The following PATJ variants were observed in gnomAD, a reference collection of about 807,000 sequenced individuals.
The protein encoded by PATJ is inaD-like protein.
Under a neutral mutation model 224.9 loss-of-function variants are expected in PATJ, and 190 were observed. The observed-to-expected ratio is 0.84, with a 90% CI of 0.75 to 0.95. The LOEUF (loss-of-function observed/expected upper bound fraction) is 0.95, where lower values mean the gene tolerates loss of function less well. Ranked by LOEUF, PATJ falls within the 40% of genes least tolerant of loss-of-function variation. PATJ has a pLI of 0.00. For missense variants in PATJ, 2,121 were observed against 2,270.3 expected (o/e 0.93, Z 1.34); for synonymous variants, 769 against 820.3 (o/e 0.94, Z 1.07).
At chr1:62,017,140 A>G (rs767400976) in intron 28 of PATJ, among the ~76,000 whole-genome samples, 22 of 152,258 alleles carry the variant, frequency 1.4e-4, no homozygotes, top group Non-Finnish European at 2.9e-4. Flanking sequence ...TGAGAGTCCT[A>G]ATATACCCAC....
chr1:61,924,144 G>A (rs1674766376), intron 26 of PATJ, among the ~76,000 whole-genome samples: 1 of 152,100 alleles, frequency 6.6e-6, no homozygotes, highest in Admixed American at 6.5e-5. Context: ...GCCGAGGCAG[G>A]AAGATCATTT....
chr1:61,913,947 T>C (rs1673056222), intron 25 of PATJ, among the ~76,000 whole-genome samples: 1 of 152,276 alleles, frequency 6.6e-6, no homozygotes, highest in African/African-American at 2.4e-5. Flanking sequence ...AACTTGTTTT[T>C]AGTCTTTTTC....
At chr1:62,034,509 G>C (rs1326196428) in intron 29 of PATJ, among the ~76,000 whole-genome samples, 2 of 151,396 alleles carry the variant, frequency 1.3e-5, no homozygotes, top group African/African-American at 4.9e-5. Context: ...AGAATCATAG[G>C]ATATGAGGGC....
chr1:61,798,419 G>T (rs1651798282), intron 11 of PATJ, among the ~76,000 whole-genome samples: 1 of 151,600 alleles, frequency 6.6e-6, no homozygotes, highest in Admixed American at 6.6e-5. Flanking sequence ...TGCTAGTCTT[G>T]AACTCCTGGG....
intron 17 of PATJ, among the ~76,000 whole-genome samples, chr1:61,847,108 A>G (rs1467061807): frequency 6.6e-6 from 1 of 152,228 alleles, no homozygotes; most frequent in Non-Finnish European, 1.5e-5. Flanking sequence ...TGAAACATCC[A>G]AGGAATGTAT....
intron 20 of PATJ, among the ~76,000 whole-genome samples, chr1:61,870,690 G>A (rs761030904): frequency 6.6e-6 from 1 of 152,150 alleles, no homozygotes; most frequent in African/African-American, 2.4e-5. Context: ...ATGAACATTG[G>A]TATATAAATA....
intron 27 of PATJ, among the ~76,000 whole-genome samples, chr1:61,954,132 C>G (rs1355751107): frequency 4.6e-5 from 7 of 152,136 alleles, no homozygotes; most frequent in Admixed American, 4.6e-4. Flanking sequence ...GATTGATTTT[C>G]TATAATCAGT....
rs1465180346 is a variant in PATJ, at chr1:61,837,802, A to AAG, written c.2112+4018_2112+4019insGA. On this transcript the variant is annotated intron_variant, in intron 17 of 43. Coordinates refer to ENST00000642238, the MANE Select transcript of PATJ (RefSeq NM_001350145.3). The stretch of plus-strand genomic sequence containing the variant: ...GAGACTCTGTCTTAAAAAAAAAAAA[A>AAG]AAAAAGGGAAAGATGAGTGAGCAGA... 4.0e-5 allele frequency among the ~76,000 whole-genome samples: 6 copies of AAG among 151,124 alleles called. No homozygotes were observed. The East Asian group carries it at 1.2e-3, about 29-fold the overall frequency.
intron 21 of PATJ, among the ~76,000 whole-genome samples, chr1:61,883,909 A>G (rs777020909): frequency 2.6e-5 from 4 of 151,248 alleles, no homozygotes; most frequent in Non-Finnish European, 4.4e-5. Flanking sequence ...ACTTATTAGG[A>G]AAGCTTAAGT....
chr1:62,113,999 G>T, intron 34 of PATJ, 54 bp from the exon 35 acceptor site: 1 of 1,531,618 alleles, frequency 6.5e-7, no homozygotes, highest in South Asian at 1.2e-5. Flanking sequence ...AGCAGACAGA[G>T]AAGGCAGAGA....
chr1:61,889,616 G>A (rs1433803958), intron 22 of PATJ, among the ~76,000 whole-genome samples: 2 of 152,206 alleles, frequency 1.3e-5, no homozygotes, highest in African/African-American at 4.8e-5. Context: ...CAGTACTGCA[G>A]CAGTTGATCT....
At chr1:62,061,307 G>A (rs561413759) in intron 31 of PATJ, among the ~76,000 whole-genome samples, 11 of 151,550 alleles carry the variant, frequency 7.3e-5, no homozygotes, top group African/African-American at 1.2e-4. Flanking sequence ...TCAGCCTCCC[G>A]AGTAGCTGGG....
At chr1:61,901,208 A>G in intron 23 of PATJ, 74 bp from the exon 24 acceptor site, 1 of 858,362 alleles carries the variant, frequency 1.2e-6, no homozygotes, top group Admixed American at 3.2e-5. Context: ...CAAGGATATG[A>G]TGCAAATGGA....
At chr1:62,026,346 A>G (rs1647906142) in intron 29 of PATJ, among the ~76,000 whole-genome samples, 1 of 152,142 alleles carries the variant, frequency 6.6e-6, no homozygotes, top group African/African-American at 2.4e-5. Context: ...TTAATACAGG[A>G]AGTATAGAGA....
At chr1:62,139,979 C>T (rs1443595163) in intron 41 of PATJ, among the ~76,000 whole-genome samples, 1 of 151,970 alleles carries the variant, frequency 6.6e-6, no homozygotes, top group African/African-American at 2.4e-5. Context: ...AGGGTGGTCT[C>T]GAACTCCTGG....
At chr1:61,768,600 T>C (rs1265432131) in intron 4 of PATJ, among the ~76,000 whole-genome samples, 1 of 152,114 alleles carries the variant, frequency 6.6e-6, no homozygotes, top group Admixed American at 6.6e-5. Flanking sequence ...ATTTTCCTCA[T>C]TTAAAAATAT....
chr1:61,745,098 T>C (rs948896032), intron 1 of PATJ, among the ~76,000 whole-genome samples: 1 of 152,086 alleles, frequency 6.6e-6, no homozygotes, highest in Non-Finnish European at 1.5e-5. Context: ...GGAGACTTCA[T>C]TGAGTAGACA....
At chr1:62,102,882 AAAAG>A (rs1662375627) in intron 33 of PATJ, among the ~76,000 whole-genome samples, 2 of 150,834 alleles carry the variant, frequency 1.3e-5, no homozygotes, top group Non-Finnish European at 3.0e-5. Context: ...AAAAAAAAAA[AAAAG>A]AATAACAAAT....
At chr1:61,936,697 A>G (rs1319995244) in intron 27 of PATJ, among the ~76,000 whole-genome samples, 1 of 151,800 alleles carries the variant, frequency 6.6e-6, no homozygotes, top group Non-Finnish European at 1.5e-5. Context: ...TCAGCCACCC[A>G]AGTAGCTGGG....
Sources: allele counts gnomAD v4.1 joint callset (sites outside exome capture counted in the v4.1 genomes callset), GRCh38; gene constraint gnomAD v4.1.1; transcripts MANE v1.5; gene names NCBI Gene and HGNC (gene_info 2026-07-23, HGNC 2026-07-21).